Variants in TCF20 observed in about 807,000 individuals in gnomAD.
TCF20 encodes SPRE-binding protein.
Under a neutral mutation model 148.6 loss-of-function variants are expected in TCF20, and 3 were observed. That is an observed-to-expected ratio of 0.02 (90% confidence interval 0.01 to 0.05). The LOEUF (loss-of-function observed/expected upper bound fraction) is 0.05, where lower values mean the gene tolerates loss of function less well. TCF20 is among the 10% of genes least tolerant of loss of function. The pLI is 1.00. For missense variants in TCF20, 2,350 were observed against 2,429.3 expected, an observed-to-expected ratio of 0.97 and a Z score of 0.69; for synonymous variants, 1,049 against 909.5, an observed-to-expected ratio of 1.15 and a Z score of -2.76.
chr22:42,188,019 C>G (rs947822743), intron 2 of TCF20, among the ~76,000 whole-genome samples: 3 of 151,988 alleles, frequency 2.0e-5, no homozygotes, highest in Non-Finnish European at 2.9e-5. Flanking sequence ...TCAGGCCGGG[C>G]ATGGTGGCTC....
intron 2 of TCF20, among the ~76,000 whole-genome samples, chr22:42,204,959 C>A (rs1938289394): frequency 6.6e-6 from 1 of 152,064 alleles, no homozygotes; most frequent in African/African-American, 2.4e-5. Context: ...TTGGGAGGGG[C>A]ACCTTCTATG....
In TCF20 at chr22:42,215,128, G is replaced by T. The variant is rs543557177; in HGVS notation, c.178C>A (p.Arg60=). Residue 60 remains arginine, a synonymous_variant, in exon 2 of 6, where the codon CGA becomes AGA. Transcript: ENST00000677622. ...GCTGCCGCAGCAGCTGCTGCTCCTC[G>T]TCGTCCACCACCACTGCCACTGCCA... ...SSGSGSGGGR[R]GAAAAAAAMA... is the part of the protein sequence containing the mutation. The T allele has an allele frequency of 3.5e-5, 57 of 1,614,032 alleles. 1 individual carries two copies. In the South Asian group the frequency reaches 5.9e-4, roughly 17 times the overall value.
At chr22:42,337,020 C>T (rs1173797677) in intron 1 of TCF20, among the ~76,000 whole-genome samples, 1 of 152,196 alleles carries the variant, frequency 6.6e-6, no homozygotes, top group Non-Finnish European at 1.5e-5. Context: ...CGTGAAGAGT[C>T]ACTGCTGTGC....
intron 1 of TCF20, among the ~76,000 whole-genome samples, chr22:42,225,133 T>C (rs1048448613): frequency 1.3e-5 from 2 of 151,704 alleles, no homozygotes; most frequent in East Asian, 2.0e-4. Flanking sequence ...GTAGCTGAGA[T>C]TACAGGTGCC....
chr22:42,179,786 A>G, intron 2 of TCF20, 84 bp from the exon 3 acceptor site: 1 of 861,494 alleles, frequency 1.2e-6, no homozygotes, highest in South Asian at 1.4e-5. Context: ...CATCTGTTAG[A>G]CCTCAGCACG....
chr22:42,335,660 G>A (rs1928053431), intron 1 of TCF20, among the ~76,000 whole-genome samples: 1 of 152,220 alleles, frequency 6.6e-6, no homozygotes, highest in African/African-American at 2.4e-5. Context: ...CCAGGCAGAA[G>A]GCATAGCAGG....
chr22:42,316,235 G>C (rs182658142), intron 1 of TCF20, among the ~76,000 whole-genome samples: 2 of 152,200 alleles, frequency 1.3e-5, no homozygotes, highest in East Asian at 3.9e-4. Context: ...AGGTTTGCAG[G>C]CTAGGAAAGT....
chr22:42,288,265 C>T (rs1055817557), upstream of TCF20, among the ~76,000 whole-genome samples: 9 of 151,870 alleles, frequency 5.9e-5, no homozygotes, highest in Admixed American at 5.2e-4. Context: ...TGGCCAGGCG[C>T]GGTGGCTCAC....
chr22:42,166,906 A>G (rs1442079036), intron 5 of TCF20, among the ~76,000 whole-genome samples: 2 of 152,208 alleles, frequency 1.3e-5, no homozygotes, highest in Admixed American at 1.3e-4. Context: ...GGGAAGGCAC[A>G]GTGACACCCT....
upstream of TCF20, among the ~76,000 whole-genome samples, chr22:42,284,691 C>T (rs1044937143): frequency 1.3e-5 from 2 of 152,196 alleles, no homozygotes; most frequent in Non-Finnish European, 2.9e-5. Context: ...TCCCAAGTCC[C>T]ATCTCAGGGA....
rs921332970 is a variant in TCF20, at chr22:42,317,362, G to T, written c.-37+26117C>A. Among the ~76,000 whole-genome samples, 4 of 152,180 alleles carry T rather than the reference G, an allele frequency of 2.6e-5. No individual in the cohort carries two copies. The highest frequency in any genetic ancestry group is 9.7e-5 in the African/African-American group (4 of 41,418). ...GCAAGTTCTCAAGTCTCCCTAGAGT[G>T]CGTGTTTATGTGTGTGGTGGGGAAG... On this transcript the variant is annotated intron_variant, in intron 1 of 1. Coordinates refer to the TCF20 transcript ENST00000515426. This position sits in a 1 kb window ranked among gnomAD's most constrained non-coding sequence, Gnocchi z 4.2.
intron 1 of TCF20, among the ~76,000 whole-genome samples, chr22:42,229,111 A>C (rs1923169445): frequency 6.6e-6 from 1 of 152,000 alleles, no homozygotes; most frequent in South Asian, 2.1e-4. Context: ...AGAGGAAAAG[A>C]AGCCAGAAAA....
Position 42,211,455 on chromosome 22 carries a change from A to C in TCF20, c.3851T>G (p.Leu1284Arg). ...KNSSTEDKGR[L>R]LHSSKEGADK... ...AGCGCCTTCTTTTGATGAGTGAAGG[A>C]GGCGACCTTTATCTTCAGTGCTACT... The change falls in exon 2 of 6, where the codon CTC (leucine) becomes CGC (arginine). Residue 1284 changes from leucine to arginine, a missense_variant. Physicochemically the swap from Leu to Arg is moderately radical, Grantham distance 102 (BLOSUM62 -2). Coordinates refer to ENST00000677622, the MANE Select transcript of TCF20 (RefSeq NM_001378418.1). 1.9e-6 allele frequency: 3 copies of C among 1,614,184 alleles called. No homozygotes were observed. The highest frequency in any genetic ancestry group is 2.2e-5 in the East Asian group (1 of 44,876).
intron 2 of TCF20, among the ~76,000 whole-genome samples, chr22:42,206,123 A>G (rs531383290): frequency 6.6e-6 from 1 of 152,330 alleles, no homozygotes; most frequent in South Asian, 2.1e-4. Context: ...GGGAAGATTT[A>G]GCCTGATTAC....
At chr22:42,306,225 A>T (rs1423279490) in intron 1 of TCF20, among the ~76,000 whole-genome samples, 1 of 152,250 alleles carries the variant, frequency 6.6e-6, no homozygotes, top group Non-Finnish European at 1.5e-5. Context: ...TCCATTTTGC[A>T]GGGAGAAATT....
At chr22:42,198,933 G>A (rs1349905766) in intron 2 of TCF20, among the ~76,000 whole-genome samples, 2 of 152,176 alleles carry the variant, frequency 1.3e-5, no homozygotes, top group Non-Finnish European at 2.9e-5. Context: ...CCAAGGTTCT[G>A]GGATTACAGG....
chr22:42,188,309 A>AAAAAAG (rs995349353), intron 2 of TCF20, among the ~76,000 whole-genome samples: 10 of 150,094 alleles, frequency 6.7e-5, no homozygotes, highest in African/African-American at 2.4e-4. Flanking sequence ...AAAAAAAAAA[A>AAAAAAG]AAAAAAAAAA....
At chr22:42,283,685 G>A (rs1351461772) in intron 1 of TCF20, among the ~76,000 whole-genome samples, 1 of 151,748 alleles carries the variant, frequency 6.6e-6, no homozygotes, top group Non-Finnish European at 1.5e-5. Flanking sequence ...GCCCAGCCCT[G>A]CCCTGGCCCG....
intron 1 of TCF20, among the ~76,000 whole-genome samples, chr22:42,262,831 G>A (rs940053406): frequency 6.6e-6 from 1 of 152,100 alleles, no homozygotes; most frequent in Non-Finnish European, 1.5e-5. Context: ...TTCCCCTTAT[G>A]AGAATACTTT....
Sources: gnomAD v4.1 joint callset for allele counts (sites outside exome capture counted in the v4.1 genomes callset) on GRCh38, gnomAD v4.1.1 for gene constraint, Gnocchi (gnomAD v3.1) non-coding constraint, MANE v1.5 for transcripts, NCBI Gene and HGNC (gene_info 2026-07-23, HGNC 2026-07-21) for gene names.